Variants in DGKI observed in about 807,000 individuals in gnomAD.
DGKI encodes diacylglycerol kinase iota.
A neutral mutation model predicts 147.5 loss-of-function variants in DGKI; 55 were observed. That is an observed-to-expected ratio of 0.37 (90% CI 0.30 to 0.47). The LOEUF (loss-of-function observed/expected upper bound fraction) is 0.47. Ranked by LOEUF, DGKI falls within the 20% of genes least tolerant of loss-of-function variation. DGKI has a pLI of 1.00. For synonymous variants in DGKI, 469 were observed against 477.1 expected (o/e 0.98, Z 0.22); for missense variants, 1,007 against 1,323.8 (o/e 0.76, Z 3.71).
intron 3 of DGKI, among the ~76,000 whole-genome samples, chr7:137,673,357 CAG>C (rs1822920402): frequency 6.6e-6 from 1 of 152,282 alleles, no homozygotes; most frequent in Admixed American, 6.5e-5. Flanking sequence ...TCTACCCTGA[CAG>C]TGAAGAGAAT....
In DGKI at chr7:137,472,658, C is replaced by T. The variant is rs1380332821; in HGVS notation, c.2374-3039G>A. Reference sequence around the variant, plus strand: ...ACTTGTTTTAAAGGAACTTAAGGTACTTAATGCATTTTTGAAAAACAGATA... The same window carrying T: ...ACTTGTTTTAAAGGAACTTAAGGTATTTAATGCATTTTTGAAAAACAGATA... On this transcript the variant is annotated intron_variant, in intron 23 of 32. Coordinates refer to ENST00000614521, the MANE Select transcript of DGKI (RefSeq NM_001321708.2). Among the ~76,000 whole-genome samples, 5 of 151,324 alleles carry T rather than the reference C, an allele frequency of 3.3e-5. 1 individual carries two copies. In the Admixed American group the frequency reaches 3.3e-4, roughly 10 times the overall value.
In DGKI at chr7:137,397,685, G is replaced by T. The variant is rs542361820; in HGVS notation, c.2921-272C>A. Among the ~76,000 whole-genome samples the T allele has an allele frequency of 2.2e-4, 33 of 152,328 alleles. No homozygotes were observed. In the East Asian group the frequency reaches 3.7e-3, roughly 17 times the overall value. On this transcript the variant is annotated intron_variant, in intron 30 of 32. Transcript: ENST00000614521. ...CGATCAAGTTTATGAAATAAAACTG[G>T]AATAGAATAACTGAAAAATAATTAA...
At chr7:137,462,416 C>T (rs1814481240) in intron 27 of DGKI, among the ~76,000 whole-genome samples, 1 of 152,154 alleles carries the variant, frequency 6.6e-6, no homozygotes, top group Non-Finnish European at 1.5e-5. Context: ...TTGTTCCTTT[C>T]CCGTCTTCAC....
At chr7:137,637,641 C>A (rs541421859) in intron 6 of DGKI, among the ~76,000 whole-genome samples, 1 of 152,328 alleles carries the variant, frequency 6.6e-6, no homozygotes, top group South Asian at 2.1e-4. Context: ...GGAGTGAAAG[C>A]TCCAATTATT....
At chr7:137,465,877 C>G in intron 26 of DGKI, 31 bp downstream of exon 26, 1 of 1,607,852 alleles carries the variant, frequency 6.2e-7, no homozygotes, top group Non-Finnish European at 8.5e-7. Context: ...ACCCTAAGGC[C>G]AGCCTCACAG....
chr7:137,427,670 A>G (rs150397673), intron 28 of DGKI, among the ~76,000 whole-genome samples: 147,189 of 151,210 alleles, frequency 0.97, 71,763 homozygotes, highest in Middle Eastern at 1. Context: ...TAATAAAGAA[A>G]AAAAGAGAGA....
At chr7:137,639,352 G>T (rs1488746164) in intron 6 of DGKI, among the ~76,000 whole-genome samples, 1 of 152,174 alleles carries the variant, frequency 6.6e-6, no homozygotes, top group African/African-American at 2.4e-5. Context: ...GAGGAAGAAG[G>T]ACAGAAGCCA....
chr7:137,623,202 A>G (rs1053458557), intron 7 of DGKI, among the ~76,000 whole-genome samples: 1 of 152,234 alleles, frequency 6.6e-6, no homozygotes, highest in African/African-American at 2.4e-5. Context: ...CCTCAACTCT[A>G]GACCCAGTGT....
intron 19 of DGKI, among the ~76,000 whole-genome samples, chr7:137,558,097 A>G (rs1646393): frequency 0.11 from 16,619 of 152,168 alleles, 2,048 homozygotes; most frequent in African/African-American, 0.3. Flanking sequence ...TGATATACTC[A>G]GCTAGTCACC....
intron 28 of DGKI, among the ~76,000 whole-genome samples, chr7:137,415,775 T>C (rs1812336087): frequency 6.6e-6 from 1 of 151,442 alleles, no homozygotes; most frequent in East Asian, 1.9e-4. Flanking sequence ...AGGTCAGGAG[T>C]TCAAGACCAG....
At chr7:137,498,797 T>C (rs1816064097) in intron 21 of DGKI, among the ~76,000 whole-genome samples, 2 of 152,178 alleles carry the variant, frequency 1.3e-5, no homozygotes, top group African/African-American at 4.8e-5. Context: ...GACACTATAT[T>C]ACCCCCTGAC....
At chr7:137,700,068 T>C (rs1368976424) in intron 1 of DGKI, among the ~76,000 whole-genome samples, 2 of 152,182 alleles carry the variant, frequency 1.3e-5, no homozygotes, top group Non-Finnish European at 2.9e-5. Context: ...GGCAAAGACC[T>C]AACTACCTAC....
intron 6 of DGKI, among the ~76,000 whole-genome samples, chr7:137,638,443 TACAC>T (rs1181698990): frequency 7.8e-6 from 1 of 127,588 alleles, no homozygotes. Flanking sequence ...TATATATATA[TACAC>T]ACACACATAT....
chr7:137,658,592 C>T (rs1038319380), intron 3 of DGKI, among the ~76,000 whole-genome samples: 1 of 152,204 alleles, frequency 6.6e-6, no homozygotes, highest in Non-Finnish European at 1.5e-5. Flanking sequence ...AGTCTAGCTT[C>T]GTGCTTGACA....
chr7:137,476,701 T>TA (rs1460636613), intron 23 of DGKI, among the ~76,000 whole-genome samples: 10 of 152,218 alleles, frequency 6.6e-5, no homozygotes, highest in African/African-American at 2.4e-4. Flanking sequence ...AGCTCCTACC[T>TA]ACCTCTCCTG....
intron 3 of DGKI, 58 bp downstream of exon 3, chr7:137,678,499 C>T (rs558222309): frequency 1.4e-4 from 203 of 1,497,576 alleles, no homozygotes; most frequent in Non-Finnish European, 1.8e-4. Flanking sequence ...GGCAAGGTGA[C>T]CCCTCTATTC....
intron 3 of DGKI, 40 bp from the exon 4 acceptor site, chr7:137,656,580 C>T: frequency 6.3e-7 from 1 of 1,599,192 alleles, no homozygotes; most frequent in Non-Finnish European, 8.6e-7. Context: ...GAAATGTTAA[C>T]AGTCTGTTCT....
chr7:137,395,590 C>G lies in DGKI; in HGVS notation c.3057+8G>C, dbSNP rs199835621. 69 of 1,613,156 alleles carry G rather than the reference C, an allele frequency of 4.3e-5. No homozygotes were observed. Among genetic ancestry groups the G allele is most frequent in the Middle Eastern group, 1.6e-4 (1 of 6,080 alleles). On this transcript the variant is annotated splice_region_variant and intron_variant, in intron 32 of 32. Transcript: ENST00000614521. ...CGGGAGGATGTTTGCACTCACTCAT[C>G]GAGTTACCTTGGAGTCCGTCTTTCT... is the stretch of plus-strand genomic sequence containing the variant.
chr7:137,434,407 C>T (rs1006916440), intron 28 of DGKI, among the ~76,000 whole-genome samples: 2 of 151,988 alleles, frequency 1.3e-5, no homozygotes, highest in Middle Eastern at 3.2e-3. Context: ...TGGTGAAACC[C>T]TGTCTCCACT....
Sources: gnomAD v4.1 joint callset for allele counts (sites outside exome capture counted in the v4.1 genomes callset) on GRCh38, gnomAD v4.1.1 for gene constraint, MANE v1.5 for transcripts, NCBI Gene and HGNC (gene_info 2026-07-23, HGNC 2026-07-21) for gene names.